The following CCDC7 variants were observed in gnomAD, a reference collection of about 807,000 sequenced individuals.
The protein encoded by CCDC7 is coiled-coil domain-containing protein 7.
In CCDC7, 183 loss-of-function variants were observed where a neutral mutation model predicts 196.9. The ratio of observed to expected loss-of-function variants is 0.93; its 90% CI spans 0.82 to 1.05. The LOEUF (loss-of-function observed/expected upper bound fraction) is 1.05. CCDC7 is among the 50% of genes least tolerant of loss of function. The pLI is 0.00. For missense variants in CCDC7, 1,540 were observed against 1,482.2 expected (o/e 1.04, Z -0.64); for synonymous variants, 525 against 484.6 (o/e 1.08, Z -1.10).
At chr10:32,695,256 C>T (rs2077565961) in intron 24 of CCDC7, among the ~76,000 whole-genome samples, 1 of 152,170 alleles carries the variant, frequency 6.6e-6, no homozygotes. Flanking sequence ...AGGGTGTTTG[C>T]TTTCAGCCAA....
chr10:32,463,056 C>T lies in CCDC7; in HGVS notation c.510+7C>T. ...GGTCAATCAGATGGAAGAAGTAAGT[C>T]TAACGTTTTAAAATTGTTAAGTTAA... On this transcript the variant is annotated splice_region_variant and intron_variant, in intron 5 of 41. Transcript: ENST00000639629. 1 of 1,612,972 alleles carries T rather than the reference C, an allele frequency of 6.2e-7. No homozygotes were observed. The highest frequency in any genetic ancestry group is 8.5e-7 in the Non-Finnish European group (1 of 1,179,626).
intron 31 of CCDC7, among the ~76,000 whole-genome samples, chr10:32,821,863 T>C (rs1249421674): frequency 6.6e-6 from 1 of 152,038 alleles, no homozygotes; most frequent in Non-Finnish European, 1.5e-5. Context: ...TAATGTTAAA[T>C]GATGAGTTAA....
chr10:32,547,945 C>T (rs1198737503), intron 13 of CCDC7, among the ~76,000 whole-genome samples: 1 of 152,144 alleles, frequency 6.6e-6, no homozygotes, highest in Non-Finnish European at 1.5e-5. Context: ...TCGCCCACCT[C>T]CCACTCTTGC....
At chr10:32,848,023 A>T (rs1189088025) in intron 38 of CCDC7, 107 bp downstream of exon 39, 1 of 582,706 alleles carries the variant, frequency 1.7e-6, no homozygotes, top group Non-Finnish European at 2.8e-6. Flanking sequence ...TCATGGGCAA[A>T]TGTCTTCATG....
At chr10:32,833,387 T>C (rs987066917) in intron 32 of CCDC7, among the ~76,000 whole-genome samples, 5 of 151,458 alleles carry the variant, frequency 3.3e-5, no homozygotes, top group African/African-American at 4.9e-5. Flanking sequence ...ATAAAATCCA[T>C]GTGTAACAGT....
At chr10:32,757,143 A>C (rs2076597911) in intron 28 of CCDC7, among the ~76,000 whole-genome samples, 1 of 152,104 alleles carries the variant, frequency 6.6e-6, no homozygotes, top group African/African-American at 2.4e-5. Context: ...ACTCCCACAC[A>C]ATAATAATGG....
At chr10:32,715,814 C>G (rs1175273345) in intron 25 of CCDC7, among the ~76,000 whole-genome samples, 1 of 151,994 alleles carries the variant, frequency 6.6e-6, no homozygotes, top group African/African-American at 2.4e-5. Flanking sequence ...GATTGAAGAT[C>G]AACTTAATGA....
chr10:32,619,335 G>C (rs1454531638), intron 18 of CCDC7, among the ~76,000 whole-genome samples: 1 of 151,916 alleles, frequency 6.6e-6, no homozygotes, highest in Non-Finnish European at 1.5e-5. Context: ...CAACAAAATG[G>C]TAGGATGAGA....
chr10:32,650,631 T>A (rs1452388485), intron 20 of CCDC7, among the ~76,000 whole-genome samples: 1 of 152,194 alleles, frequency 6.6e-6, no homozygotes, highest in East Asian at 1.9e-4. Flanking sequence ...CTTGTGAGCC[T>A]GTACCACTCA....
chr10:32,577,818 C>A (rs1050912179), intron 16 of CCDC7, among the ~76,000 whole-genome samples: 2 of 152,158 alleles, frequency 1.3e-5, no homozygotes, highest in African/African-American at 4.8e-5. Context: ...CATGTACCAC[C>A]TTATCAGATT....
At chr10:32,547,150 T>G (rs1233584538) in intron 13 of CCDC7, among the ~76,000 whole-genome samples, 6 of 152,134 alleles carry the variant, frequency 3.9e-5, no homozygotes, top group African/African-American at 1.4e-4. Flanking sequence ...CCCAGGTATC[T>G]AGGACTACAG....
chr10:32,551,862 T>C (rs556604265), intron 13 of CCDC7, among the ~76,000 whole-genome samples: 12 of 152,320 alleles, frequency 7.9e-5, no homozygotes, highest in South Asian at 2.1e-4. Flanking sequence ...TTGAATAGAA[T>C]GTGTATTCTG....
chr10:32,573,547 A>G (rs908095723), intron 16 of CCDC7, among the ~76,000 whole-genome samples: 1 of 152,110 alleles, frequency 6.6e-6, no homozygotes, highest in Non-Finnish European at 1.5e-5. Flanking sequence ...GTGAGTTATT[A>G]CCCCTGGCAG....
At chr10:32,831,230 T>G (rs2092126159) in intron 32 of CCDC7, among the ~76,000 whole-genome samples, 1 of 152,112 alleles carries the variant, frequency 6.6e-6, no homozygotes. Flanking sequence ...AAATACCAGA[T>G]AAAAGATAAA....
chr10:32,739,272 G>C (rs998110530), intron 28 of CCDC7, among the ~76,000 whole-genome samples: 1 of 151,074 alleles, frequency 6.6e-6, no homozygotes, highest in Non-Finnish European at 1.5e-5. Flanking sequence ...CATTATGTAC[G>C]TATTATACCT....
chr10:32,610,029 A>T (rs1218527241), intron 18 of CCDC7, among the ~76,000 whole-genome samples: 2 of 146,324 alleles, frequency 1.4e-5, no homozygotes, highest in African/African-American at 5.0e-5. Flanking sequence ...TGTATGTATG[A>T]GTGTGTGTGT....
At position 32,471,129 on chromosome 10, in the gene CCDC7, TATTG is replaced by T; in HGVS notation, c.577_580del (p.Ile193GlnfsTer3). The T allele has an allele frequency of 6.2e-7, 1 of 1,612,708 alleles. No individual in the cohort carries two copies. Among genetic ancestry groups the T allele is most frequent in the East Asian group, 2.2e-5 (1 of 44,722 alleles). On this transcript the variant is annotated frameshift_variant, in exon 6 of 42. Transcript: ENST00000639629. LOFTEE classifies it high-confidence loss of function. Reference sequence around the variant, plus strand: ...AACCTGACAAAACAGTCATTTTAAATATTGCAGAAATAGTAAGGCTTGTACAAAG... The same window carrying T: ...AACCTGACAAAACAGTCATTTTAAATCAGAAATAGTAAGGCTTGTACAAAG...
At chr10:32,514,075 T>C (rs1368851281) in intron 9 of CCDC7, 3 of 152,156 alleles carry the variant, frequency 2.0e-5, no homozygotes, top group Admixed American at 2.0e-4. Context: ...ATTTTAGATA[T>C]AAAAACATCC....
At chr10:32,697,416 C>G (rs1198860168) in intron 24 of CCDC7, among the ~76,000 whole-genome samples, 1 of 152,206 alleles carries the variant, frequency 6.6e-6, no homozygotes. Context: ...GAATCCCTTT[C>G]TTAGTCAAGG....
Sources: allele counts gnomAD v4.1 joint callset (sites outside exome capture counted in the v4.1 genomes callset), GRCh38; gene constraint gnomAD v4.1.1; transcripts MANE v1.5; gene names NCBI Gene and HGNC (gene_info 2026-07-23, HGNC 2026-07-21).